NELL1: variants seen among roughly 807,000 people sequenced by gnomAD.
NELL1 encodes the protein protein kinase C-binding protein NELL1.
NELL1 carries 76 observed loss-of-function variants against 107.4 expected under a neutral mutation model. That is an observed-to-expected ratio of 0.71 (90% CI 0.59 to 0.86). The LOEUF is 0.86. Ranked by LOEUF, NELL1 falls within the 40% of genes least tolerant of loss-of-function variation. The pLI is 0.00. For synonymous variants in NELL1, 353 were observed against 341.2 expected (o/e 1.03, Z -0.38); for missense variants, 1,024 against 1,005.5 (o/e 1.02, Z -0.25).
intron 2 of NELL1, among the ~76,000 whole-genome samples, chr11:20,744,598 T>A (rs1855963551): frequency 6.6e-6 from 1 of 152,218 alleles, no homozygotes; most frequent in South Asian, 2.1e-4. Flanking sequence ...AGGTGGTCCT[T>A]CTGGAGCCCA....
chr11:21,088,872 G>A (rs775850207), intron 12 of NELL1, among the ~76,000 whole-genome samples: 168 of 152,264 alleles, frequency 1.1e-3, no homozygotes, highest in Non-Finnish European at 4.6e-4. Flanking sequence ...ACAGCTAAAG[G>A]TTGTTGGGGT....
chr11:21,048,290 C>T (rs960227680), intron 12 of NELL1, among the ~76,000 whole-genome samples: 5 of 152,198 alleles, frequency 3.3e-5, no homozygotes, highest in South Asian at 4.1e-4. Context: ...GATCTACTCA[C>T]GTTTTATACT....
chr11:20,846,704 C>T (rs553592470), intron 3 of NELL1, among the ~76,000 whole-genome samples: 4 of 152,266 alleles, frequency 2.6e-5, no homozygotes, highest in South Asian at 2.1e-4. Context: ...TAATACCAGT[C>T]TCAGGTTTTT....
At chr11:20,672,642 C>T (rs1211412108) in intron 1 of NELL1, among the ~76,000 whole-genome samples, 1 of 152,106 alleles carries the variant, frequency 6.6e-6, no homozygotes, top group East Asian at 1.9e-4. Context: ...ATTTAGAAGG[C>T]TACAATAATA....
intron 2 of NELL1, among the ~76,000 whole-genome samples, chr11:20,738,968 T>C (rs1000205178): frequency 4.6e-5 from 7 of 152,208 alleles, no homozygotes; most frequent in African/African-American, 1.7e-4. Flanking sequence ...GTAGGGCTCT[T>C]TTAGCACCTT....
At chr11:20,706,457 G>A (rs554220532) in intron 2 of NELL1, among the ~76,000 whole-genome samples, 1 of 147,634 alleles carries the variant, frequency 6.8e-6, no homozygotes, top group South Asian at 2.2e-4. Flanking sequence ...TCAGAGGTGG[G>A]GATTGAACAA....
Position 20,740,926 on chromosome 11 carries a change from C to T in NELL1, c.185-42754C>T, listed in dbSNP as rs547380115. ...CAGCTGGGCACCACCATGCCCAGCT[C>T]TAATGTTTTATTTTCTGTTCCTTCT... On this transcript the variant is annotated intron_variant, in intron 2 of 19. Transcript: ENST00000357134. 5.1e-4 allele frequency among the ~76,000 whole-genome samples: 77 copies of T among 152,144 alleles called. 1 individual carries two copies. The South Asian group carries it at 0.016, about 31-fold the overall frequency.
chr11:21,201,076 C>A (rs949430692), intron 13 of NELL1, among the ~76,000 whole-genome samples: 1 of 152,086 alleles, frequency 6.6e-6, no homozygotes, highest in Non-Finnish European at 1.5e-5. Context: ...ATGCTTCCAG[C>A]TTTGTTCTTT....
At chr11:21,461,881 A>G (rs902156571) in intron 15 of NELL1, among the ~76,000 whole-genome samples, 2 of 152,108 alleles carry the variant, frequency 1.3e-5, no homozygotes, top group African/African-American at 2.4e-5. Context: ...ACTACAAAAC[A>G]GCCCCCATGG....
At chr11:20,915,434 T>C (rs10766744) in intron 5 of NELL1, among the ~76,000 whole-genome samples, 85,606 of 151,186 alleles carry the variant, frequency 0.57, 29,294 homozygotes, top group Non-Finnish European at 0.76. Context: ...GTTAAGCAGA[T>C]ACTCAAGGTG....
At position 21,323,013 on chromosome 11, in the gene NELL1, A is replaced by G. The variant is rs1029594408; in HGVS notation, c.1550-47840A>G. On this transcript the variant is annotated intron_variant, in intron 14 of 19. Coordinates refer to ENST00000357134, the MANE Select transcript of NELL1 (RefSeq NM_006157.5). ...GTGATCGGCCAATTCAGCCTGGAAT[A>G]AAACTGCTTCACTCAGTCATCAAAG... Among the ~76,000 whole-genome samples, 41 of 152,166 alleles carry G rather than the reference A, an allele frequency of 2.7e-4. 3 individuals are homozygous for G. The highest frequency in any genetic ancestry group is 1.5e-5 in the Non-Finnish European group (1 of 68,036).
intron 14 of NELL1, among the ~76,000 whole-genome samples, chr11:21,295,965 ACT>A (rs780049283): frequency 3.7e-4 from 56 of 151,594 alleles, no homozygotes; most frequent in Non-Finnish European, 7.5e-4. Context: ...ACTGATGAAG[ACT>A]CTCATATGGG....
At chr11:21,366,849 T>C (rs1851233748) in intron 14 of NELL1, among the ~76,000 whole-genome samples, 1 of 152,138 alleles carries the variant, frequency 6.6e-6, no homozygotes, top group South Asian at 2.1e-4. Context: ...CCCTAGGAAC[T>C]AAATATATGT....
intron 15 of NELL1, among the ~76,000 whole-genome samples, chr11:21,516,157 C>A (rs747694191): frequency 3.9e-5 from 6 of 152,170 alleles, no homozygotes; most frequent in Admixed American, 1.3e-4. Flanking sequence ...GTCCATCATG[C>A]ACCATTCTGT....
chr11:21,156,922 G>A (rs531656563), intron 13 of NELL1, among the ~76,000 whole-genome samples: 188 of 138,862 alleles, frequency 1.4e-3, no homozygotes, highest in Non-Finnish European at 2.3e-3. Flanking sequence ...GTGGAACCCC[G>A]CCTCTACTAA....
chr11:21,465,319 G>A (rs896670246), intron 15 of NELL1, among the ~76,000 whole-genome samples: 1 of 151,990 alleles, frequency 6.6e-6, no homozygotes, highest in Non-Finnish European at 1.5e-5. Flanking sequence ...TATGAGCTTT[G>A]CACAAAGTCA....
intron 13 of NELL1, among the ~76,000 whole-genome samples, chr11:21,117,356 T>G (rs1590652813): frequency 6.6e-6 from 1 of 151,986 alleles, no homozygotes; most frequent in East Asian, 1.9e-4. Context: ...GCAGGGGCCT[T>G]TTTCCTTTTG....
chr11:21,011,990 C>G lies in NELL1; in HGVS notation c.1300+51430C>G, dbSNP rs1852456785. On this transcript the variant is annotated intron_variant, in intron 12 of 19. Transcript: ENST00000357134. Reference sequence around the variant, plus strand: ...GTAGAAAACTATTTTCTGTGCCCCTCTAGGGTGCCAACCACTGCGCTAAGA... The same window carrying G: ...GTAGAAAACTATTTTCTGTGCCCCTGTAGGGTGCCAACCACTGCGCTAAGA... Among the ~76,000 whole-genome samples, 4 of 152,100 alleles carry G rather than the reference C, an allele frequency of 2.6e-5. No individual in the cohort carries two copies. In the South Asian group the frequency reaches 8.3e-4, roughly 32 times the overall value.
At chr11:21,178,046 A>G (rs1389790838) in intron 13 of NELL1, among the ~76,000 whole-genome samples, 1 of 151,578 alleles carries the variant, frequency 6.6e-6, no homozygotes, top group Non-Finnish European at 1.5e-5. Context: ...ATTTGTACAT[A>G]TTTTTCTCCA....
Sources: allele counts gnomAD v4.1 joint callset (sites outside exome capture counted in the v4.1 genomes callset), GRCh38; gene constraint gnomAD v4.1.1; transcripts MANE v1.5; gene names NCBI Gene and HGNC (gene_info 2026-07-23, HGNC 2026-07-21).